The following ELAVL2 variants were observed in gnomAD, a reference collection of about 807,000 sequenced individuals.
ELAVL2 encodes ELAV like RNA binding protein 2, also known as ELAV-like protein 2.
ELAVL2 carries 4 observed loss-of-function variants against 34.6 expected under a neutral mutation model. The observed-to-expected ratio is 0.12, with a 90% CI of 0.06 to 0.26. The LOEUF (loss-of-function observed/expected upper bound fraction) is 0.26, where lower values mean the gene tolerates loss of function less well. Among genes scored for constraint, ELAVL2 ranks in the 10% least tolerant of loss-of-function variants. ELAVL2 has a pLI of 1.00. For synonymous variants in ELAVL2, 193 were observed against 154.8 expected (o/e 1.25, Z -1.83); for missense variants, 432 against 442.8 (o/e 0.98, Z 0.22).
intron 3 of ELAVL2, among the ~76,000 whole-genome samples, chr9:23,726,387 TAAGGAAAATATTTCTTTA>T (rs1468747061): frequency 9.2e-5 from 14 of 152,162 alleles, no homozygotes; most frequent in Non-Finnish European, 1.9e-4. Context: ...GCTGAATGAT[TAAGGAAAATATTTCTTTA>T]ATCAAGACCA....
At chr9:23,742,665 G>C (rs2049531503) in intron 2 of ELAVL2, among the ~76,000 whole-genome samples, 1 of 152,146 alleles carries the variant, frequency 6.6e-6, no homozygotes, top group Non-Finnish European at 1.5e-5. Flanking sequence ...CAAAAAGAAA[G>C]AGCAGAATTA....
intron 4 of ELAVL2, among the ~76,000 whole-genome samples, chr9:23,703,321 G>T (rs1330346838): frequency 6.6e-6 from 1 of 152,118 alleles, no homozygotes; most frequent in Non-Finnish European, 1.5e-5. Context: ...TTGTTGCTTT[G>T]AACAAATTCA....
intron 1 of ELAVL2, among the ~76,000 whole-genome samples, chr9:23,778,200 A>G (rs764873280): frequency 1.4e-4 from 22 of 152,214 alleles, no homozygotes; most frequent in Non-Finnish European, 2.6e-4. Flanking sequence ...GCTTAAATAA[A>G]TCACGTGCGA....
At chr9:23,766,544 A>G (rs935301190) in intron 1 of ELAVL2, among the ~76,000 whole-genome samples, 15 of 143,792 alleles carry the variant, frequency 1.0e-4, no homozygotes, top group African/African-American at 3.7e-4. Flanking sequence ...GTGGACACTA[A>G]TGAGCTAATC....
At chr9:23,699,812 GT>G (rs199637833) in intron 5 of ELAVL2, among the ~76,000 whole-genome samples, 906 of 82,744 alleles carry the variant, frequency 0.011, 17 homozygotes, top group Non-Finnish European at 0.016. Context: ...GGTGGCAAAG[GT>G]TTTTTTTTTT....
At chr9:23,734,544 T>C (rs534972244) in intron 2 of ELAVL2, among the ~76,000 whole-genome samples, 2 of 152,304 alleles carry the variant, frequency 1.3e-5, no homozygotes, top group African/African-American at 4.8e-5. Context: ...TTCAGGCATA[T>C]TGCGTATAAG....
chr9:23,812,368 C>G (rs1365482188), intron 1 of ELAVL2, among the ~76,000 whole-genome samples: 1 of 152,068 alleles, frequency 6.6e-6, no homozygotes, highest in East Asian at 1.9e-4. Flanking sequence ...TGGAAAAGCC[C>G]TAAGCTTCAA....
At chr9:23,744,499 T>A (rs1331665489) in intron 2 of ELAVL2, among the ~76,000 whole-genome samples, 2 of 152,156 alleles carry the variant, frequency 1.3e-5, no homozygotes, top group Non-Finnish European at 1.5e-5. Flanking sequence ...AGGGAAAAAC[T>A]TTAAATATGT....
At chr9:23,779,093 C>A in intron 1 of ELAVL2, 1 of 707,164 alleles carries the variant, frequency 1.4e-6, no homozygotes, top group Non-Finnish European at 1.7e-6. Context: ...AATCACCTGG[C>A]ACTACACCAG....
intron 1 of ELAVL2, among the ~76,000 whole-genome samples, chr9:23,796,152 C>T (rs1217274273): frequency 6.6e-6 from 1 of 152,146 alleles, no homozygotes; most frequent in Non-Finnish European, 1.5e-5. Context: ...TTTCTAGGTC[C>T]TACTATAAAA....
the ELAVL2 span, among the ~76,000 whole-genome samples, chr9:23,841,161 G>A: frequency 1.3e-5 from 2 of 152,118 alleles, no homozygotes; most frequent in Admixed American, 6.6e-5. Context: ...AGCAATGTCA[G>A]TAGAGGTGGC....
At chr9:23,708,249 C>A (rs2039949848) in intron 3 of ELAVL2, among the ~76,000 whole-genome samples, 1 of 152,122 alleles carries the variant, frequency 6.6e-6, no homozygotes, top group Non-Finnish European at 1.5e-5. Flanking sequence ...TAATGTTAAA[C>A]TTACATTTAG....
intron 2 of ELAVL2, among the ~76,000 whole-genome samples, chr9:23,743,103 T>A (rs2049663062): frequency 6.6e-6 from 1 of 152,166 alleles, no homozygotes; most frequent in African/African-American, 2.4e-5. Context: ...TGGTTAAAGT[T>A]GTAAAGGCTA....
chr9:23,726,924 G>A (rs2045349912), intron 3 of ELAVL2, among the ~76,000 whole-genome samples: 1 of 151,960 alleles, frequency 6.6e-6, no homozygotes, highest in South Asian at 2.1e-4. Context: ...ACCAAAGGAA[G>A]GATTCCTTTA....
At chr9:23,776,001 T>C (rs1193153897) in intron 1 of ELAVL2, among the ~76,000 whole-genome samples, 1 of 152,142 alleles carries the variant, frequency 6.6e-6, no homozygotes, top group Non-Finnish European at 1.5e-5. Context: ...ATAAAGAGAA[T>C]GAATGCCATG....
In ELAVL2 at chr9:23,775,518, A is replaced by T. The variant is rs1416317305; in HGVS notation, c.-15-13269T>A. Reference sequence around the variant, plus strand: ...GACCCCATCTAGAGCTTCCTAGCTGATCTCTCTATTTCCAGGCTTGCCCCT... The same window carrying T: ...GACCCCATCTAGAGCTTCCTAGCTGTTCTCTCTATTTCCAGGCTTGCCCCT... On this transcript the variant is annotated intron_variant, in intron 1 of 6. Transcript: ENST00000397312. Among the ~76,000 whole-genome samples the T allele has an allele frequency of 2.0e-5, 3 of 152,292 alleles. No homozygotes were observed. The East Asian group carries it at 5.8e-4, about 29-fold the overall frequency.
chr9:23,743,459 C>G (rs1226042694), intron 2 of ELAVL2, among the ~76,000 whole-genome samples: 1 of 152,104 alleles, frequency 6.6e-6, no homozygotes, highest in Non-Finnish European at 1.5e-5. Flanking sequence ...CATTAGGACA[C>G]AAAAGTAATG....
intron 4 of ELAVL2, among the ~76,000 whole-genome samples, 195 bp downstream of exon 4, chr9:23,704,723 G>C (rs1187419231): frequency 6.6e-6 from 1 of 152,078 alleles, no homozygotes; most frequent in Non-Finnish European, 1.5e-5. Flanking sequence ...AATGACTCAA[G>C]CACGCTCACT....
chr9:23,700,881 GA>G (rs149393952), intron 5 of ELAVL2, among the ~76,000 whole-genome samples: 39,139 of 141,126 alleles, frequency 0.28, 5,173 homozygotes, highest in South Asian at 0.43. Context: ...AATCCTTTAA[GA>G]AAAAAAAAAA....
Sources: gnomAD v4.1 joint callset for allele counts (sites outside exome capture counted in the v4.1 genomes callset) on GRCh38, gnomAD v4.1.1 for gene constraint, MANE v1.5 for transcripts, NCBI Gene and HGNC (gene_info 2026-07-23, HGNC 2026-07-21) for gene names.